The following PTPRD variants were observed in gnomAD, a reference collection of about 807,000 sequenced individuals.
PTPRD encodes the protein receptor-type tyrosine-protein phosphatase delta.
PTPRD carries 34 observed loss-of-function variants against 214.5 expected under a neutral mutation model. The observed-to-expected ratio is 0.16, with a 90% CI of 0.12 to 0.21. The LOEUF (loss-of-function observed/expected upper bound fraction) is 0.21, where lower values mean the gene tolerates loss of function less well. Among genes scored for constraint, PTPRD ranks in the 10% least tolerant of loss-of-function variants. The pLI is 1.00. For missense variants in PTPRD, 2,545 were observed against 2,398.7 expected (o/e 1.06, Z -1.27); for synonymous variants, 1,128 against 845.7 (o/e 1.33, Z -5.79).
intron 2 of PTPRD, among the ~76,000 whole-genome samples, chr9:10,539,043 T>C (rs1374455757): frequency 6.6e-6 from 1 of 152,220 alleles, no homozygotes; most frequent in Non-Finnish European, 1.5e-5. Flanking sequence ...AGCATCACTC[T>C]TTCCACATTA....
intron 10 of PTPRD, among the ~76,000 whole-genome samples, chr9:9,171,314 T>C (rs1241741290): frequency 2.0e-5 from 3 of 150,976 alleles, no homozygotes; most frequent in African/African-American, 4.9e-5. Flanking sequence ...TGGTATGGGA[T>C]GGAGTATTGC....
intron 4 of PTPRD, among the ~76,000 whole-genome samples, chr9:9,955,988 T>C (rs1350408526): frequency 1.3e-5 from 2 of 152,160 alleles, no homozygotes; most frequent in African/African-American, 2.4e-5. Context: ...TCTAAAATCT[T>C]ACACAATAAT....
rs1203360144 is a variant in PTPRD, at chr9:9,369,766, C to A, written c.-203+27683G>T. ...TAGGTCTAACACATAAGTCTTTAAT[C>A]CATCTTGAATTAATTTTTGTATAAG... On this transcript the variant is annotated intron_variant, in intron 9 of 45. Transcript: ENST00000381196. 2.0e-5 allele frequency among the ~76,000 whole-genome samples: 3 copies of A among 152,072 alleles called. No individual in the cohort carries two copies. In the South Asian group the frequency reaches 6.2e-4, roughly 31 times the overall value.
At chr9:10,601,428 A>G (rs2077942947) in intron 2 of PTPRD, among the ~76,000 whole-genome samples, 1 of 151,724 alleles carries the variant, frequency 6.6e-6, no homozygotes, top group Non-Finnish European at 1.5e-5. Flanking sequence ...AAAGTAATAT[A>G]CTGTCTTACA....
In PTPRD at chr9:8,490,455, G is replaced by A. The variant is rs74399684; in HGVS notation, c.2467+2407C>T. 2.0e-4 allele frequency among the ~76,000 whole-genome samples: 31 copies of A among 152,236 alleles called. No individual in the cohort carries two copies. The East Asian group carries it at 5.8e-3, about 29-fold the overall frequency. ...TACCAACGCAACAACAATCACAATT[G>A]ACTAGACTTGGGCTAATATTTCCAA... On this transcript the variant is annotated intron_variant, in intron 27 of 45. Transcript: ENST00000381196.
Position 9,074,315 on chromosome 9 carries a change from A to G in PTPRD, c.-142-55580T>C, listed in dbSNP as rs113658460. Among the ~76,000 whole-genome samples the G allele has an allele frequency of 5.0e-3, 764 of 152,192 alleles. 6 individuals carry two copies. The highest frequency in any genetic ancestry group is 0.017 in the African/African-American group (703 of 41,556). On this transcript the variant is annotated intron_variant, in intron 10 of 45. Coordinates refer to ENST00000381196, the MANE Select transcript of PTPRD (RefSeq NM_002839.4). ...AGAGATAAGGAGTAGCACAGGGTATAAAACAAGTAAAACACAATTTGTAAA... is the reference window on the plus strand; with the variant it reads ...AGAGATAAGGAGTAGCACAGGGTATGAAACAAGTAAAACACAATTTGTAAA...
intron 23 of PTPRD, 123 bp from the exon 24 acceptor site, chr9:8,501,182 T>C (rs2097397524): frequency 1.4e-6 from 1 of 733,218 alleles, no homozygotes; most frequent in African/African-American, 1.8e-5. Context: ...AAAATGAAAA[T>C]AAGGCTTTGA....
chr9:10,397,390 C>A (rs1276843219), intron 2 of PTPRD, among the ~76,000 whole-genome samples: 3 of 151,986 alleles, frequency 2.0e-5, no homozygotes, highest in Non-Finnish European at 4.4e-5. Flanking sequence ...TGTTACCTAG[C>A]AATGTTATTG....
chr9:9,742,730 G>A (rs2098417001), intron 6 of PTPRD, among the ~76,000 whole-genome samples: 1 of 151,920 alleles, frequency 6.6e-6, no homozygotes, highest in African/African-American at 2.4e-5. Context: ...CTAGACCTTA[G>A]TGTTTCCACT....
At chr9:8,973,105 CTTTG>C (rs1339279684) in intron 11 of PTPRD, among the ~76,000 whole-genome samples, 4 of 151,504 alleles carry the variant, frequency 2.6e-5, no homozygotes, top group Admixed American at 6.6e-5. Context: ...AAATATTCAG[CTTTG>C]ATTTTAGACA....
In PTPRD at chr9:9,523,971, T is replaced by A. The variant is rs117038847; in HGVS notation, c.-237+50761A>T. On this transcript the variant is annotated intron_variant, in intron 8 of 45. Transcript: ENST00000381196. ...GACCTAAGATGGGCCCACCACAGCA[T>A]TGAATTCCCTCAGCCACAGCCATCA... Among the ~76,000 whole-genome samples, 18 of 152,110 alleles carry A rather than the reference T, an allele frequency of 1.2e-4. 2 individuals are homozygous for A. In the East Asian group the frequency reaches 2.3e-3, roughly 20 times the overall value.
At chr9:10,448,079 C>T (rs1588389832) in intron 2 of PTPRD, among the ~76,000 whole-genome samples, 1 of 151,788 alleles carries the variant, frequency 6.6e-6, no homozygotes. Flanking sequence ...GAAACTGAGC[C>T]CCAAATATAA....
intron 33 of PTPRD, chr9:8,451,904 T>G (rs373239462): frequency 1.4e-5 from 7 of 501,112 alleles, no homozygotes; most frequent in Non-Finnish European, 2.8e-5. Flanking sequence ...TTACAGGTAT[T>G]GTAGGGTAAC....
intron 2 of PTPRD, among the ~76,000 whole-genome samples, chr9:10,473,132 T>G (rs371892719): frequency 6.6e-6 from 1 of 152,062 alleles, no homozygotes; most frequent in African/African-American, 2.4e-5. Context: ...ACATAGAAAT[T>G]TGGTGTTCTT....
At chr9:9,030,606 G>C (rs766736684) in intron 10 of PTPRD, among the ~76,000 whole-genome samples, 2 of 151,780 alleles carry the variant, frequency 1.3e-5, no homozygotes, top group African/African-American at 2.4e-5. Flanking sequence ...AGGTTAGCAG[G>C]AATAATTGAT....
At chr9:9,226,164 G>A (rs915818947) in intron 9 of PTPRD, among the ~76,000 whole-genome samples, 4 of 151,818 alleles carry the variant, frequency 2.6e-5, no homozygotes, top group Non-Finnish European at 5.9e-5. Flanking sequence ...GGGAAGAATA[G>A]TGGTCATTTT....
At chr9:9,616,729 C>A (rs1483662454) in intron 7 of PTPRD, among the ~76,000 whole-genome samples, 1 of 152,068 alleles carries the variant, frequency 6.6e-6, no homozygotes, top group African/African-American at 2.4e-5. Flanking sequence ...TTATCCACCC[C>A]TTGTTTAGCA....
chr9:8,847,369 C>T lies in PTPRD; in HGVS notation c.-103-113423G>A, dbSNP rs190718002. On this transcript the variant is annotated intron_variant, in intron 11 of 45. Coordinates refer to ENST00000381196, the MANE Select transcript of PTPRD (RefSeq NM_002839.4). ...TGATAACCTAACTATAAAAAAAACC[C>T]TTGCTACATATTACCTAAAAAAGTA... Among the ~76,000 whole-genome samples the T allele has an allele frequency of 6.9e-3, 1,047 of 152,066 alleles. 16 individuals are homozygous for T. The highest frequency in any genetic ancestry group is 0.024 in the African/African-American group (993 of 41,484).
intron 3 of PTPRD, among the ~76,000 whole-genome samples, chr9:10,280,434 C>A: frequency 6.6e-6 from 1 of 151,874 alleles, no homozygotes. Context: ...TAGACCATCT[C>A]CACCAAATTC....
Sources: gnomAD v4.1 joint callset for allele counts (sites outside exome capture counted in the v4.1 genomes callset) on GRCh38, gnomAD v4.1.1 for gene constraint, MANE v1.5 for transcripts, NCBI Gene and HGNC (gene_info 2026-07-23, HGNC 2026-07-21) for gene names.